Variants in CREB5 observed in about 807,000 individuals in gnomAD.
CREB5 encodes cyclic AMP-responsive element-binding protein 5.
In CREB5, 19 loss-of-function variants were observed where a neutral mutation model predicts 57.1. That is an observed-to-expected ratio of 0.33 (90% CI 0.23 to 0.49). CREB5 has a LOEUF of 0.49. Among genes scored for constraint, CREB5 ranks in the 20% least tolerant of loss-of-function variants. The pLI is 0.99. For synonymous variants in CREB5, 238 were observed against 238.3 expected, an observed-to-expected ratio of 1.00 and a Z score of 0.01; for missense variants, 579 against 671.6, an observed-to-expected ratio of 0.86 and a Z score of 1.52.
intron 5 of CREB5, among the ~76,000 whole-genome samples, chr7:28,646,462 G>A (rs1798892919): frequency 6.6e-6 from 1 of 152,182 alleles, no homozygotes; most frequent in Non-Finnish European, 1.5e-5. Flanking sequence ...AATTTGAGGT[G>A]ATACCTGCTT....
chr7:28,433,883 T>C (rs891573506), intron 1 of CREB5, among the ~76,000 whole-genome samples: 2 of 151,724 alleles, frequency 1.3e-5, no homozygotes, highest in African/African-American at 2.4e-5. Context: ...TCCTCTTTCG[T>C]CTACTGTAAT....
intron 4 of CREB5, among the ~76,000 whole-genome samples, chr7:28,566,064 A>G (rs1795460990): frequency 6.6e-6 from 1 of 152,202 alleles, no homozygotes; most frequent in Non-Finnish European, 1.5e-5. Flanking sequence ...TTCCTGTGAT[A>G]TATTTTGGAT....
chr7:28,560,935 T>TGTGC (rs74212086), intron 4 of CREB5, among the ~76,000 whole-genome samples: 1 of 56,266 alleles, frequency 1.8e-5, no homozygotes, highest in African/African-American at 8.3e-5. Flanking sequence ...CGTGCGTGTG[T>TGTGC]GCGTGCGTGT....
At chr7:28,591,059 T>G (rs977695768) in intron 5 of CREB5, among the ~76,000 whole-genome samples, 1 of 152,184 alleles carries the variant, frequency 6.6e-6, no homozygotes, top group African/African-American at 2.4e-5. Context: ...TTCCCCACTG[T>G]TTTAATAAAC....
At chr7:28,727,708 A>ACACCTGT (rs1445879859) in intron 7 of CREB5, among the ~76,000 whole-genome samples, 1 of 152,198 alleles carries the variant, frequency 6.6e-6, no homozygotes. Context: ...ATGTGGCCAT[A>ACACCTGT]CACCTGTCTT....
intron 5 of CREB5, among the ~76,000 whole-genome samples, chr7:28,572,483 TCA>T (rs1295456413): frequency 6.6e-6 from 1 of 152,216 alleles, no homozygotes; most frequent in Non-Finnish European, 1.5e-5. Flanking sequence ...AGCAGACAAT[TCA>T]CAGTTATGCC....
intron 1 of CREB5, among the ~76,000 whole-genome samples, chr7:28,480,779 C>T (rs1028883616): frequency 6.6e-6 from 1 of 152,192 alleles, no homozygotes; most frequent in African/African-American, 2.4e-5. Flanking sequence ...GACCTAAATG[C>T]GGTTCATACG....
intron 5 of CREB5, among the ~76,000 whole-genome samples, chr7:28,593,017 C>T (rs1037990086): frequency 3.9e-5 from 6 of 152,200 alleles, no homozygotes; most frequent in African/African-American, 9.6e-5. Flanking sequence ...GGCACAACCA[C>T]AGCATATCGC....
At chr7:28,620,610 T>C (rs1797757688) in intron 5 of CREB5, among the ~76,000 whole-genome samples, 2 of 152,210 alleles carry the variant, frequency 1.3e-5, no homozygotes, top group Non-Finnish European at 2.9e-5. Context: ...AGGAACTGTA[T>C]ATCCAGGAAA....
intron 5 of CREB5, among the ~76,000 whole-genome samples, chr7:28,630,878 T>C (rs555482337): frequency 2.0e-5 from 3 of 152,320 alleles, no homozygotes; most frequent in African/African-American, 7.2e-5. Flanking sequence ...ACTACCTCCC[T>C]TGTATTCCAG....
At chr7:28,402,555 C>G (rs1021588548) in intron 1 of CREB5, among the ~76,000 whole-genome samples, 1 of 152,064 alleles carries the variant, frequency 6.6e-6, no homozygotes, top group Admixed American at 6.5e-5. Context: ...ACAAACCTGA[C>G]AAAAACAAGC....
At chr7:28,685,241 T>C (rs1480485854) in intron 5 of CREB5, among the ~76,000 whole-genome samples, 2 of 151,916 alleles carry the variant, frequency 1.3e-5, no homozygotes, top group South Asian at 4.2e-4. Flanking sequence ...GAGGGTGGAG[T>C]GCTAATCTCA....
chr7:28,664,126 A>G (rs1446591510), intron 5 of CREB5, among the ~76,000 whole-genome samples: 1 of 152,224 alleles, frequency 6.6e-6, no homozygotes, highest in Non-Finnish European at 1.5e-5. Flanking sequence ...GTACTTTCCT[A>G]GAAACCCATG....
intron 4 of CREB5, among the ~76,000 whole-genome samples, chr7:28,520,837 CTTTA>C (rs1245232290): frequency 6.6e-6 from 1 of 152,200 alleles, no homozygotes; most frequent in Non-Finnish European, 1.5e-5. Context: ...TGCACTTTTG[CTTTA>C]TTTATGAAGA....
At chr7:28,761,346 G>C (rs1472277479) in intron 7 of CREB5, among the ~76,000 whole-genome samples, 2 of 152,214 alleles carry the variant, frequency 1.3e-5, no homozygotes, top group Non-Finnish European at 2.9e-5. Context: ...TTCCTCAACT[G>C]TAAATTGCGG....
chr7:28,560,981 C>CGT (rs1325378799), intron 4 of CREB5, among the ~76,000 whole-genome samples: 6 of 22,432 alleles, frequency 2.7e-4, no homozygotes, highest in African/African-American at 6.3e-4. Context: ...TGCGTGTGTG[C>CGT]GTGCGTGTGT....
chr7:28,357,165 T>C (rs1786363242), intron 1 of CREB5, among the ~76,000 whole-genome samples: 1 of 152,020 alleles, frequency 6.6e-6, no homozygotes, highest in South Asian at 2.1e-4. Context: ...CCAGAGAGAG[T>C]TAAGGGAAGG....
intron 7 of CREB5, among the ~76,000 whole-genome samples, chr7:28,742,547 C>T (rs1166677285): frequency 6.6e-6 from 1 of 150,494 alleles, no homozygotes; most frequent in Non-Finnish European, 1.5e-5. Context: ...GCCTGGGCCA[C>T]AGAGCAAGAC....
chr7:28,652,546 T>A, intron 5 of CREB5, among the ~76,000 whole-genome samples: 1 of 152,200 alleles, frequency 6.6e-6, no homozygotes, highest in East Asian at 1.9e-4. Context: ...CTGAATTCTG[T>A]CTCCTCTACT....
Sources: gnomAD v4.1 joint callset for allele counts (sites outside exome capture counted in the v4.1 genomes callset) on GRCh38, gnomAD v4.1.1 for gene constraint, MANE v1.5 for transcripts, NCBI Gene and HGNC (gene_info 2026-07-23, HGNC 2026-07-21) for gene names.